GRID1: variants seen among roughly 807,000 people sequenced by gnomAD.
The protein encoded by GRID1 is glutamate ionotropic receptor delta type subunit 1.
A neutral mutation model predicts 98.0 loss-of-function variants in GRID1; 28 were observed. The observed-to-expected ratio is 0.29, with a 90% confidence interval of 0.21 to 0.39. GRID1 has a LOEUF of 0.39. Among genes scored for constraint, GRID1 ranks in the 10% least tolerant of loss-of-function variants. GRID1 has a pLI of 1.00. For synonymous variants in GRID1, 553 were observed against 538.5 expected (o/e 1.03, Z -0.37); for missense variants, 1,111 against 1,340.5 (o/e 0.83, Z 2.67).
chr10:86,315,383 T>C (rs938470746), intron 2 of GRID1, among the ~76,000 whole-genome samples: 1 of 152,138 alleles, frequency 6.6e-6, no homozygotes, highest in African/African-American at 2.4e-5. Flanking sequence ...CATCAGCACA[T>C]GGAGCAGAGA....
In GRID1 at chr10:85,773,812, A is replaced by G. The variant is rs936883123; in HGVS notation, c.1234-44198T>C. Among the ~76,000 whole-genome samples the G allele has an allele frequency of 2.0e-5, 3 of 152,230 alleles. 1 individual carries two copies. In the South Asian group the frequency reaches 6.2e-4, roughly 32 times the overall value. ...AAGGAGAACTACAAACCACTGCTCA[A>G]TGAAATGAAAGAGGATACAAAGAAA... On this transcript the variant is annotated intron_variant, in intron 8 of 15. Coordinates refer to ENST00000327946, the MANE Select transcript of GRID1 (RefSeq NM_017551.3).
intron 8 of GRID1, among the ~76,000 whole-genome samples, chr10:85,825,668 A>C (rs1442560730): frequency 6.6e-6 from 1 of 152,230 alleles, no homozygotes; most frequent in East Asian, 1.9e-4. Flanking sequence ...GGAATAGCAA[A>C]AGGTAACAAG....
chr10:85,774,570 TA>T (rs1842309696), intron 8 of GRID1, among the ~76,000 whole-genome samples: 1 of 152,062 alleles, frequency 6.6e-6, no homozygotes, highest in Non-Finnish European at 1.5e-5. Flanking sequence ...TTTCGCAACC[TA>T]CTCATCTGAC....
At chr10:86,255,638 C>A (rs1166358071) in intron 2 of GRID1, among the ~76,000 whole-genome samples, 2 of 152,216 alleles carry the variant, frequency 1.3e-5, no homozygotes, top group Non-Finnish European at 2.9e-5. Flanking sequence ...CAAACTGACA[C>A]CTGTCATCAC....
chr10:86,161,321 G>T (rs774981145), intron 3 of GRID1, among the ~76,000 whole-genome samples: 1 of 152,118 alleles, frequency 6.6e-6, no homozygotes, highest in Non-Finnish European at 1.5e-5. Flanking sequence ...CATAGGGGGT[G>T]GTGTAAGAGG....
At chr10:86,193,147 G>A (rs1032198632) in intron 3 of GRID1, among the ~76,000 whole-genome samples, 7 of 152,030 alleles carry the variant, frequency 4.6e-5, no homozygotes, top group Admixed American at 1.3e-4. Context: ...TATCCAGAAC[G>A]CACTCACCTG....
chr10:85,662,529 A>T (rs1840977314), intron 12 of GRID1, among the ~76,000 whole-genome samples: 1 of 152,086 alleles, frequency 6.6e-6, no homozygotes, highest in South Asian at 2.1e-4. Flanking sequence ...CTGGATCCCC[A>T]GCTCCCTCCG....
chr10:85,972,710 A>G (rs1049535301), intron 4 of GRID1, among the ~76,000 whole-genome samples: 4 of 151,964 alleles, frequency 2.6e-5, no homozygotes, highest in Non-Finnish European at 5.9e-5. Context: ...TAGCACTACA[A>G]TACAATCCTT....
intron 5 of GRID1, among the ~76,000 whole-genome samples, chr10:85,894,525 G>T (rs1053238605): frequency 2.4e-4 from 37 of 152,132 alleles, no homozygotes; most frequent in Admixed American, 2.3e-3. Context: ...ATTTTTGTGG[G>T]TTATGCAAAG....
intron 2 of GRID1, among the ~76,000 whole-genome samples, chr10:86,330,476 T>C (rs995331058): frequency 4.6e-5 from 7 of 152,084 alleles, no homozygotes; most frequent in East Asian, 3.9e-4. Context: ...TCAAGACAGA[T>C]GGCCAGGAGC....
chr10:86,047,996 G>A (rs1054152230), intron 4 of GRID1, among the ~76,000 whole-genome samples: 5 of 152,072 alleles, frequency 3.3e-5, no homozygotes, highest in African/African-American at 4.8e-5. Flanking sequence ...GTGGCAATGC[G>A]GTGACTGCAT....
chr10:86,139,917 T>A (rs1589385213), intron 3 of GRID1, among the ~76,000 whole-genome samples: 1 of 152,296 alleles, frequency 6.6e-6, no homozygotes, highest in African/African-American at 2.4e-5. Context: ...CAAAATCATC[T>A]CTTAGCAGCA....
chr10:86,358,663 C>T (rs1407616688), intron 2 of GRID1, among the ~76,000 whole-genome samples: 13 of 151,750 alleles, frequency 8.6e-5, no homozygotes, highest in African/African-American at 2.9e-4. Context: ...GAGGCTGAGG[C>T]GGGAGAATAG....
At chr10:85,646,636 T>A (rs1460093533) in intron 13 of GRID1, 1 of 156,996 alleles carries the variant, frequency 6.4e-6, no homozygotes, top group East Asian at 1.9e-4. Flanking sequence ...GGCACTGGTA[T>A]CTTCCCATCT....
chr10:86,334,679 A>G (rs1475345252), intron 2 of GRID1, among the ~76,000 whole-genome samples: 3 of 152,216 alleles, frequency 2.0e-5, no homozygotes, highest in African/African-American at 7.2e-5. Flanking sequence ...GACATAGGGG[A>G]GAAAAATGCA....
intron 4 of GRID1, among the ~76,000 whole-genome samples, chr10:85,957,452 C>G (rs768834458): frequency 1.7e-4 from 26 of 152,042 alleles, no homozygotes; most frequent in Non-Finnish European, 3.4e-4. Context: ...GTGTTCCCCC[C>G]GGTTGTATTA....
At chr10:86,251,911 G>C (rs1201019059) in intron 2 of GRID1, among the ~76,000 whole-genome samples, 2 of 152,190 alleles carry the variant, frequency 1.3e-5, no homozygotes, top group African/African-American at 2.4e-5. Flanking sequence ...TCCCCCATGG[G>C]ATAGGCACTC....
At chr10:86,223,179 A>G (rs1444064061) in intron 2 of GRID1, among the ~76,000 whole-genome samples, 1 of 152,154 alleles carries the variant, frequency 6.6e-6, no homozygotes, top group African/African-American at 2.4e-5. Flanking sequence ...CTGCAGGGAA[A>G]GTGGCTGAGA....
At chr10:86,204,647 T>C (rs1222884825) in intron 3 of GRID1, among the ~76,000 whole-genome samples, 1 of 152,226 alleles carries the variant, frequency 6.6e-6, no homozygotes, top group African/African-American at 2.4e-5. Flanking sequence ...GTGGGCAGGC[T>C]AGAGAGCTGA....
Sources: gnomAD v4.1 joint callset for allele counts (sites outside exome capture counted in the v4.1 genomes callset) on GRCh38, gnomAD v4.1.1 for gene constraint, MANE v1.5 for transcripts, NCBI Gene and HGNC (gene_info 2026-07-23, HGNC 2026-07-21) for gene names.